Variants in PNPLA8 observed in about 807,000 individuals in gnomAD.
PNPLA8 encodes the protein patatin like domain 8, phospholipase A2, also known as calcium-independent phospholipase A2-gamma.
A neutral mutation model predicts 76.9 loss-of-function variants in PNPLA8; 39 were observed. The observed-to-expected ratio is 0.51, with a 90% confidence interval of 0.39 to 0.66. PNPLA8 has a LOEUF of 0.66. PNPLA8 is among the 30% of genes least tolerant of loss of function. PNPLA8 has a pLI of 0.00. For synonymous variants in PNPLA8, 301 were observed against 307.9 expected, an observed-to-expected ratio of 0.98 and a Z score of 0.24; for missense variants, 887 against 918.0, an observed-to-expected ratio of 0.97 and a Z score of 0.44.
At position 108,472,319 on chromosome 7, in the gene PNPLA8, A is replaced by T; in HGVS notation, c.*82T>A. 1.0e-6 allele frequency: 1 copy of T among 986,886 alleles called. No homozygotes were observed. Among genetic ancestry groups the T allele is most frequent in the Non-Finnish European group, 1.5e-6 (1 of 666,518 alleles). 61.1% of individuals were successfully genotyped at this position (986,886 alleles called of 1,614,324 possible). On this transcript the variant is annotated 3_prime_UTR_variant, in exon 11 of 11. Coordinates refer to ENST00000257694, the MANE Select transcript of PNPLA8 (RefSeq NM_001256007.3). ...TTCATACGTATTTCAAAGTTAACTC[A>T]TGTCGAACCCCACAATTCCTTATTG...
chr7:108,473,422 C>T (rs1277239316), intron 10 of PNPLA8, among the ~76,000 whole-genome samples: 2 of 152,072 alleles, frequency 1.3e-5, no homozygotes, highest in Non-Finnish European at 2.9e-5. Flanking sequence ...TTCCCTTGGG[C>T]AAAAACCTAG....
chr7:108,521,614 G>C, intron 1 of PNPLA8, 93 bp from the exon 2 acceptor site: 24 of 156,542 alleles, frequency 1.5e-4, no homozygotes, highest in South Asian at 4.1e-4. Context: ...GGGGAAGAAG[G>C]CCACAGAGTG....
At position 108,514,413 on chromosome 7, in the gene PNPLA8, G is replaced by A. The variant is rs144670543; in HGVS notation, c.1056+23C>T. ...AAATTTGACAAAAAGTAATAGAACCGAAAAGCACACTGAACAACTTGCCTT... is the reference window on the plus strand; with the variant it reads ...AAATTTGACAAAAAGTAATAGAACCAAAAAGCACACTGAACAACTTGCCTT... On this transcript the variant is annotated intron_variant, in intron 3 of 10. Coordinates refer to ENST00000257694, the MANE Select transcript of PNPLA8 (RefSeq NM_001256007.3). The A allele has an allele frequency of 6.3e-4, 1,000 of 1,581,570 alleles. 3 individuals are homozygous for A. The highest frequency in any genetic ancestry group is 4.7e-3 in the African/African-American group (347 of 73,278).
intron 1 of PNPLA8, among the ~76,000 whole-genome samples, chr7:108,525,683 T>C (rs532671363): frequency 8.5e-5 from 13 of 152,324 alleles, no homozygotes; most frequent in African/African-American, 2.6e-4. Context: ...AGTTAACTAC[T>C]GGAGAACACT....
intron 4 of PNPLA8, chr7:108,511,111 G>A (rs191785707): frequency 8.3e-4 from 503 of 602,458 alleles, no homozygotes; most frequent in Non-Finnish European, 1.3e-3. Flanking sequence ...TTCCTTTCCT[G>A]TAAAATTTGT....
rs548309669 is a variant in PNPLA8 at position 108,505,452 on chromosome 7, T to C, written c.1207-2810A>G. On this transcript the variant is annotated intron_variant, in intron 4 of 10. Transcript: ENST00000257694. ...ATCTCAGCTCACCGCAACCTCCGCC[T>C]CCCAGGTTCAAGCCATTCTCCTGCC... Among the ~76,000 whole-genome samples the C allele has an allele frequency of 3.3e-4, 46 of 138,074 alleles. No individual in the cohort carries two copies. The East Asian group carries it at 7.2e-3, about 22-fold the overall frequency. 90.6% of individuals were successfully genotyped at this position (138,074 alleles called of 152,430 possible). A position where few individuals can be genotyped will look rare whatever the true frequency, so the allele number is the denominator to read the frequency against.
intron 9 of PNPLA8, among the ~76,000 whole-genome samples, chr7:108,479,874 T>C (rs936963531): frequency 5.3e-5 from 8 of 152,208 alleles, no homozygotes; most frequent in East Asian, 1.9e-4. Context: ...ATAAACCTTA[T>C]ATTTCTAAGT....
At chr7:108,511,557 A>C (rs1400619598) in intron 4 of PNPLA8, among the ~76,000 whole-genome samples, 2 of 152,218 alleles carry the variant, frequency 1.3e-5, no homozygotes, top group Non-Finnish European at 2.9e-5. Flanking sequence ...AGGCAGGTAC[A>C]TCCAGAAAGC....
intron 9 of PNPLA8, among the ~76,000 whole-genome samples, chr7:108,481,989 T>C (rs1455156394): frequency 6.6e-6 from 1 of 152,192 alleles, no homozygotes; most frequent in Non-Finnish European, 1.5e-5. Flanking sequence ...TGAATTGCTT[T>C]TGTATCTTTG....
chr7:108,526,071 C>T lies in PNPLA8; in HGVS notation c.-172G>A, dbSNP rs2154517392. 2.0e-6 allele frequency: 2 copies of T among 985,712 alleles called. No homozygotes were observed. Among genetic ancestry groups the T allele is most frequent in the Non-Finnish European group, 2.4e-6 (2 of 830,062 alleles). 61.1% of individuals were successfully genotyped at this position (985,712 alleles called of 1,614,324 possible). A position where few individuals can be genotyped will look rare whatever the true frequency, so the allele number is the denominator to read the frequency against. On this transcript the variant is annotated 5_prime_UTR_variant, in exon 1 of 11. Transcript: ENST00000257694. ...TCACTAGGGCTGCAGCGGCGACTCG[C>T]TCGTTCCCGGCAATGACGTCCACTC...
At chr7:108,511,700 A>G (rs1451452364) in intron 4 of PNPLA8, among the ~76,000 whole-genome samples, 1 of 152,220 alleles carries the variant, frequency 6.6e-6, no homozygotes, top group East Asian at 1.9e-4. Context: ...GCAATGTGTG[A>G]TCTAGACTGA....
At chr7:108,514,329 C>T (rs1863141815) in intron 3 of PNPLA8, 36 bp from the exon 4 acceptor site, 2 of 1,564,578 alleles carry the variant, frequency 1.3e-6, no homozygotes, top group Non-Finnish European at 8.7e-7. Context: ...GATTAGAATA[C>T]AAAACTGCTC....
At chr7:108,507,536 C>A (rs957447615) in intron 4 of PNPLA8, among the ~76,000 whole-genome samples, 25 of 151,820 alleles carry the variant, frequency 1.6e-4, no homozygotes, top group African/African-American at 5.6e-4. Context: ...TGCCTGTGGT[C>A]CCAGGTACTC....
At chr7:108,503,063 T>C (rs1862081655) in intron 4 of PNPLA8, among the ~76,000 whole-genome samples, 1 of 152,234 alleles carries the variant, frequency 6.6e-6, no homozygotes, top group Non-Finnish European at 1.5e-5. Context: ...AACCATCTTG[T>C]ATACATTGCA....
At chr7:108,511,037 T>C (rs1331823695) in intron 4 of PNPLA8, 7 of 507,928 alleles carry the variant, frequency 1.4e-5, no homozygotes, top group African/African-American at 5.0e-5. Context: ...TGCTCTCAAA[T>C]TGGAAAAAAA....
At position 108,470,710 on chromosome 7, in the gene PNPLA8, A is replaced by C. The variant is rs1859581630; in HGVS notation, c.*1691T>G. ...TATGTATTATTTGTGGTCTGAAAGA[A>C]CTATATTATCTTTAGAAATCATTGG... On this transcript the variant is annotated 3_prime_UTR_variant, in exon 11 of 11. Coordinates refer to ENST00000257694, the MANE Select transcript of PNPLA8 (RefSeq NM_001256007.3). 6.6e-6 allele frequency: 1 copy of C among 152,230 alleles called. No homozygotes were observed. Among genetic ancestry groups the C allele is most frequent in the Admixed American group, 6.5e-5 (1 of 15,278 alleles). The allele number at this position is 152,230 out of a possible 1,614,324, so 9.4% of individuals were successfully genotyped here.
intron 2 of PNPLA8, among the ~76,000 whole-genome samples, chr7:108,520,500 C>T (rs1287058617): frequency 6.6e-6 from 1 of 151,990 alleles, no homozygotes; most frequent in Non-Finnish European, 1.5e-5. Flanking sequence ...TACGAACATA[C>T]AGTTAGAAGT....
intron 4 of PNPLA8, among the ~76,000 whole-genome samples, chr7:108,509,633 T>C (rs1269068997): frequency 3.3e-5 from 5 of 150,848 alleles, no homozygotes; most frequent in Non-Finnish European, 7.4e-5. Flanking sequence ...TCCTCAGGGA[T>C]CTAGAACTAG....
At chr7:108,510,986 C>T in intron 4 of PNPLA8, 1 of 1,430,092 alleles carries the variant, frequency 7.0e-7, no homozygotes, top group African/African-American at 1.4e-5. Flanking sequence ...AGGTGTCTAC[C>T]ATGACTATTT....
Sources: gnomAD v4.1 joint callset for allele counts (sites outside exome capture counted in the v4.1 genomes callset) on GRCh38, gnomAD v4.1.1 for gene constraint, MANE v1.5 for transcripts, NCBI Gene and HGNC (gene_info 2026-07-23, HGNC 2026-07-21) for gene names.